MBNL2: variants seen among roughly 807,000 people sequenced by gnomAD.
MBNL2 encodes muscleblind-like protein 2.
Under a neutral mutation model 41.9 loss-of-function variants are expected in MBNL2, and 17 were observed. That is an observed-to-expected ratio of 0.41 (90% CI 0.28 to 0.61). MBNL2 has a LOEUF of 0.61. Ranked by LOEUF, MBNL2 falls within the 20% of genes least tolerant of loss-of-function variation. MBNL2 has a pLI of 0.35. For synonymous variants in MBNL2, 195 were observed against 182.9 expected (o/e 1.07, Z -0.53); for missense variants, 336 against 505.6 (o/e 0.66, Z 3.22).
the MBNL2 span, among the ~76,000 whole-genome samples, chr13:97,156,131 AT>A: frequency 8.9e-6 from 1 of 112,532 alleles, no homozygotes; most frequent in Non-Finnish European, 1.8e-5. Context: ...TTTGATTTGC[AT>A]TTCTCTGATG....
At chr13:97,356,581 G>T (rs1410659778) in intron 5 of MBNL2, among the ~76,000 whole-genome samples, 1 of 152,194 alleles carries the variant, frequency 6.6e-6, no homozygotes, top group African/African-American at 2.4e-5. Context: ...AATTTAAGGT[G>T]TAATATTCAT....
chr13:97,191,516 C>T, the MBNL2 span, among the ~76,000 whole-genome samples: 11 of 152,092 alleles, frequency 7.2e-5, no homozygotes, highest in African/African-American at 1.2e-4. Flanking sequence ...AAAAGTCCTG[C>T]GGCAGTTGTG....
chr13:97,296,168 C>T (rs1025369054), intron 2 of MBNL2, among the ~76,000 whole-genome samples: 10 of 152,244 alleles, frequency 6.6e-5, no homozygotes, highest in African/African-American at 2.2e-4. Context: ...TTGATTTCTC[C>T]AACCCAAATC....
chr13:97,387,865 A>G (rs1387396782), intron 8 of MBNL2, among the ~76,000 whole-genome samples: 1 of 152,094 alleles, frequency 6.6e-6, no homozygotes, highest in African/African-American at 2.4e-5. Flanking sequence ...TCAAACAAAA[A>G]CAAGGGTGCT....
At chr13:97,183,299 T>A in the MBNL2 span, among the ~76,000 whole-genome samples, 1 of 152,208 alleles carries the variant, frequency 6.6e-6, no homozygotes, top group Non-Finnish European at 1.5e-5. Flanking sequence ...AAATTCTATC[T>A]TTCATAGTAG....
intron 2 of MBNL2, among the ~76,000 whole-genome samples, chr13:97,288,025 C>T (rs1363834699): frequency 6.7e-6 from 1 of 149,036 alleles, no homozygotes; most frequent in South Asian, 2.1e-4. Context: ...CCACCTGCTT[C>T]GGCCTCCCAA....
Position 97,268,024 on chromosome 13 carries a change from T to C in MBNL2, c.-604-7608T>C, listed in dbSNP as rs2050163343. Among the ~76,000 whole-genome samples the C allele has an allele frequency of 6.6e-6, 1 of 152,236 alleles. No homozygotes were observed. The highest frequency in any genetic ancestry group is 6.5e-5 in the Admixed American group (1 of 15,292). The stretch of plus-strand genomic sequence containing the variant: ...TGCTCGTCCTCGTTGTCAGGGTATC[T>C]GATCCAGGACCTTGGTGGTGGGGCC... On this transcript the variant is annotated intron_variant, in intron 1 of 8. Transcript: ENST00000679496. The surrounding 1 kb of genome is among the most constrained non-coding windows in gnomAD (Gnocchi z 4.6).
At chr13:97,298,869 C>A (rs1040926557) in intron 2 of MBNL2, among the ~76,000 whole-genome samples, 1 of 152,200 alleles carries the variant, frequency 6.6e-6, no homozygotes, top group Non-Finnish European at 1.5e-5. Context: ...AGTGGGCCTT[C>A]TGCTATGAAG....
At chr13:97,156,339 T>C in the MBNL2 span, among the ~76,000 whole-genome samples, 2 of 146,760 alleles carry the variant, frequency 1.4e-5, no homozygotes, top group East Asian at 4.1e-4. Flanking sequence ...TTCTCCCATT[T>C]TGTAGGTTGC....
At chr13:97,341,940 T>C (rs1485441597) in intron 3 of MBNL2, among the ~76,000 whole-genome samples, 2 of 152,168 alleles carry the variant, frequency 1.3e-5, no homozygotes, top group Non-Finnish European at 2.9e-5. Flanking sequence ...GTTAAAAGTG[T>C]GACAAGCAAC....
At chr13:97,198,907 C>T in the MBNL2 span, among the ~76,000 whole-genome samples, 1 of 152,180 alleles carries the variant, frequency 6.6e-6, no homozygotes, top group Admixed American at 6.5e-5. Flanking sequence ...CCTGCTCCCA[C>T]CGGTCCTCCT....
At chr13:97,154,547 C>A in the MBNL2 span, among the ~76,000 whole-genome samples, 1 of 152,106 alleles carries the variant, frequency 6.6e-6, no homozygotes, top group East Asian at 1.9e-4. Context: ...AACTCCTAGC[C>A]TGAAGGAATC....
chr13:97,286,035 T>A (rs2054367739), intron 2 of MBNL2, among the ~76,000 whole-genome samples: 1 of 152,238 alleles, frequency 6.6e-6, no homozygotes, highest in Non-Finnish European at 1.5e-5. Context: ...ACCAGAACAC[T>A]TGGCCTGCCA....
intron 1 of MBNL2, among the ~76,000 whole-genome samples, chr13:97,226,720 A>G (rs1392161527): frequency 1.3e-5 from 2 of 152,212 alleles, no homozygotes; most frequent in East Asian, 3.8e-4. Flanking sequence ...TAAATAACAT[A>G]TAAAGATGTC....
At chr13:97,352,291 T>C (rs1219200373) in intron 5 of MBNL2, among the ~76,000 whole-genome samples, 1 of 152,232 alleles carries the variant, frequency 6.6e-6, no homozygotes, top group Non-Finnish European at 1.5e-5. Flanking sequence ...ATCTTGGCTT[T>C]CGACATGCCT....
At position 97,392,694 on chromosome 13, in the gene MBNL2, TA is replaced by T. The variant is rs1252156926; in HGVS notation, c.*1248del. On this transcript the variant is annotated 3_prime_UTR_variant, in exon 9 of 9. Coordinates refer to ENST00000679496, the MANE Select transcript of MBNL2 (RefSeq NM_001382683.1). Reference sequence around the variant, plus strand: ...TAAATTTTGTTCAGAAAGTTTGTTTTAAAGTTTATTTTAAGCACTATCGTAC... The same window carrying T: ...TAAATTTTGTTCAGAAAGTTTGTTTTAAGTTTATTTTAAGCACTATCGTAC... 1 of 152,510 alleles carries T rather than the reference TA, an allele frequency of 6.6e-6. No homozygotes were observed. Among genetic ancestry groups the T allele is most frequent in the Non-Finnish European group, 1.5e-5 (1 of 67,932 alleles). 9.4% of individuals were successfully genotyped at this position (152,510 alleles called of 1,614,324 possible).
Position 97,328,278 on chromosome 13 carries a change from G to A in MBNL2, c.175-5998G>A, listed in dbSNP as rs865881857. Among the ~76,000 whole-genome samples the A allele has an allele frequency of 9.9e-5, 15 of 151,402 alleles. No homozygotes were observed. In the South Asian group the frequency reaches 1.3e-3, roughly 13 times the overall value. On this transcript the variant is annotated intron_variant, in intron 2 of 8. Transcript: ENST00000679496. ...GAGCAAGAGCCTTTGTCTTGACCTCGGGATTTCACCAAGCTGGCCTCAGCC... is the reference window on the plus strand; with the variant it reads ...GAGCAAGAGCCTTTGTCTTGACCTCAGGATTTCACCAAGCTGGCCTCAGCC...
intron 8 of MBNL2, among the ~76,000 whole-genome samples, chr13:97,388,494 C>A (rs991199148): frequency 6.6e-6 from 1 of 152,038 alleles, no homozygotes; most frequent in African/African-American, 2.4e-5. Flanking sequence ...GTTCCTCTTT[C>A]TCTCAAAGCA....
intron 8 of MBNL2, among the ~76,000 whole-genome samples, chr13:97,369,905 A>G (rs1298915110): frequency 6.6e-6 from 1 of 152,090 alleles, no homozygotes; most frequent in East Asian, 1.9e-4. Flanking sequence ...ACTAAGCACT[A>G]TTTTCTGTTT....
Sources: gnomAD v4.1 joint callset for allele counts (sites outside exome capture counted in the v4.1 genomes callset) on GRCh38, gnomAD v4.1.1 for gene constraint, Gnocchi (gnomAD v3.1) non-coding constraint, MANE v1.5 for transcripts, NCBI Gene and HGNC (gene_info 2026-07-23, HGNC 2026-07-21) for gene names.